CCNY: variants seen among roughly 807,000 people sequenced by gnomAD.
The protein encoded by CCNY is cyclin-Y.
In CCNY, 19 loss-of-function variants were observed where a neutral mutation model predicts 42.8. The observed-to-expected ratio is 0.44, with a 90% CI of 0.31 to 0.65. The LOEUF is 0.65. CCNY is among the 30% of genes least tolerant of loss of function. CCNY has a pLI of 0.07. For missense variants in CCNY, 370 were observed against 437.3 expected, an observed-to-expected ratio of 0.85 and a Z score of 1.37; for synonymous variants, 165 against 162.7, an observed-to-expected ratio of 1.01 and a Z score of -0.11.
intron 1 of CCNY, among the ~76,000 whole-genome samples, chr10:35,381,623 T>A (rs545456380): frequency 6.7e-4 from 102 of 152,116 alleles, no homozygotes; most frequent in African/African-American, 2.4e-3. Flanking sequence ...CTGACACTCC[T>A]GGTGTCAGAT....
rs535426185 is a variant in CCNY, at chr10:35,371,183, G to T, written c.154+33976G>T. 2.0e-5 allele frequency among the ~76,000 whole-genome samples: 3 copies of T among 152,270 alleles called. No individual in the cohort carries two copies. In the East Asian group the frequency reaches 5.8e-4, roughly 29 times the overall value. On this transcript the variant is annotated intron_variant, in intron 1 of 9. Transcript: ENST00000374704. The stretch of plus-strand genomic sequence containing the variant: ...TATGGATCATGTTGGTAGTACCACC[G>T]CCCAGCCCAGTGCTGGGATACAGAA...
chr10:35,262,548 G>A (rs2095720809), intron 3 of CCNY, among the ~76,000 whole-genome samples: 1 of 151,872 alleles, frequency 6.6e-6, no homozygotes, highest in African/African-American at 2.4e-5. Context: ...TTTTAATAGA[G>A]ATGGGGTTTC....
intron 1 of CCNY, among the ~76,000 whole-genome samples, chr10:35,430,913 T>G (rs888618259): frequency 6.6e-6 from 1 of 151,968 alleles, no homozygotes. Flanking sequence ...GGTCAAGAGA[T>G]CGAGACCATC....
chr10:35,434,613 T>C (rs575715174), intron 1 of CCNY, among the ~76,000 whole-genome samples: 1 of 152,368 alleles, frequency 6.6e-6, no homozygotes, highest in African/African-American at 2.4e-5. Flanking sequence ...AAACACTTTT[T>C]ACAAAACATT....
At chr10:35,302,812 TA>T (rs1835554026) in intron 3 of CCNY, among the ~76,000 whole-genome samples, 1 of 152,212 alleles carries the variant, frequency 6.6e-6, no homozygotes, top group Non-Finnish European at 1.5e-5. Context: ...AGAAAATTGC[TA>T]AAACATTTTG....
intron 1 of CCNY, among the ~76,000 whole-genome samples, chr10:35,467,925 A>G (rs1839303863): frequency 6.6e-6 from 1 of 152,216 alleles, no homozygotes. Context: ...TGATTTCCTC[A>G]GATCTGTTTT....
chr10:35,387,971 T>C (rs1018999737), intron 1 of CCNY, among the ~76,000 whole-genome samples: 1 of 152,134 alleles, frequency 6.6e-6, no homozygotes, highest in African/African-American at 2.4e-5. Flanking sequence ...GATGACTTAG[T>C]TGAGTCATCT....
chr10:35,426,105 GCACGCGCACACACACACACA>G (rs1418346497), intron 1 of CCNY, among the ~76,000 whole-genome samples: 16 of 58,032 alleles, frequency 2.8e-4, no homozygotes, highest in African/African-American at 7.7e-4. Context: ...CACTGGTCCA[GCACGCGCACACACACACACA>G]CACACACACA....
At chr10:35,463,963 A>G (rs951103393) in intron 1 of CCNY, among the ~76,000 whole-genome samples, 106 of 152,356 alleles carry the variant, frequency 7.0e-4, no homozygotes, top group African/African-American at 2.5e-3. Context: ...GAGAAGGTGC[A>G]GGAAGCTGCT....
At chr10:35,344,806 A>G (rs1223142629) in intron 1 of CCNY, among the ~76,000 whole-genome samples, 2 of 151,724 alleles carry the variant, frequency 1.3e-5, no homozygotes, top group East Asian at 3.9e-4. Flanking sequence ...ATTCCCACCT[A>G]TGAGTGAGAA....
chr10:35,349,161 T>TC (rs1220507835), intron 1 of CCNY, among the ~76,000 whole-genome samples: 2 of 151,924 alleles, frequency 1.3e-5, no homozygotes, highest in Non-Finnish European at 2.9e-5. Context: ...CTGGAACCAA[T>TC]CCCCCTCGGA....
chr10:35,466,456 T>G (rs555781144), intron 1 of CCNY, among the ~76,000 whole-genome samples: 1 of 152,076 alleles, frequency 6.6e-6, no homozygotes, highest in Non-Finnish European at 1.5e-5. Context: ...GCCAGCTCTG[T>G]AGGGGTGATG....
intron 1 of CCNY, among the ~76,000 whole-genome samples, chr10:35,369,129 T>C (rs1836874312): frequency 6.6e-6 from 1 of 152,164 alleles, no homozygotes; most frequent in Non-Finnish European, 1.5e-5. Flanking sequence ...AACTGATAAA[T>C]ATTCAGGCCG....
intron 3 of CCNY, among the ~76,000 whole-genome samples, chr10:35,507,691 C>A (rs1420710726): frequency 6.6e-6 from 1 of 152,102 alleles, no homozygotes; most frequent in Non-Finnish European, 1.5e-5. Flanking sequence ...TGACACATGG[C>A]ATTTAGTTGG....
At chr10:35,298,386 A>G (rs1410397616) in intron 3 of CCNY, among the ~76,000 whole-genome samples, 3 of 152,158 alleles carry the variant, frequency 2.0e-5, no homozygotes, top group South Asian at 2.1e-4. Flanking sequence ...TACATTTTCT[A>G]GAATTTTCTA....
intron 3 of CCNY, among the ~76,000 whole-genome samples, chr10:35,330,276 G>C (rs1835926910): frequency 6.6e-6 from 1 of 152,208 alleles, no homozygotes; most frequent in African/African-American, 2.4e-5. Context: ...CTGTATTAAA[G>C]TAATGCATCT....
At chr10:35,464,127 C>T (rs1056757938) in intron 1 of CCNY, among the ~76,000 whole-genome samples, 1 of 152,140 alleles carries the variant, frequency 6.6e-6, no homozygotes, top group Non-Finnish European at 1.5e-5. Context: ...GGTTATCCCA[C>T]AGATAGGTTA....
chr10:35,337,001 C>T lies in CCNY; in HGVS notation c.-53C>T, dbSNP rs1327088069. 3.7e-6 allele frequency: 5 copies of T among 1,341,250 alleles called. No homozygotes were observed. Among genetic ancestry groups the T allele is most frequent in the Non-Finnish European group, 4.9e-6 (5 of 1,027,202 alleles). 83.1% of individuals were successfully genotyped at this position (1,341,250 alleles called of 1,614,324 possible). On this transcript the variant is annotated 5_prime_UTR_variant, in exon 1 of 10. Transcript: ENST00000374704. ...GCGCCCCGCGTCCACCCGCGCCCCG[C>T]TCCCGGGGACTGGGAGAACAGGATA...
chr10:35,496,943 T>C (rs1840015201), intron 2 of CCNY, among the ~76,000 whole-genome samples: 2 of 152,230 alleles, frequency 1.3e-5, no homozygotes, highest in African/African-American at 4.8e-5. Flanking sequence ...GAGAAGACTT[T>C]TAATGCCAAC....
Sources: allele counts gnomAD v4.1 joint callset (sites outside exome capture counted in the v4.1 genomes callset), GRCh38; gene constraint gnomAD v4.1.1; transcripts MANE v1.5; gene names NCBI Gene and HGNC (gene_info 2026-07-23, HGNC 2026-07-21).